The following MAGEA11 variants were observed in gnomAD, a reference collection of about 807,000 sequenced individuals.
The protein encoded by MAGEA11 is melanoma-associated antigen 11.
Under a neutral mutation model 8.4 loss-of-function variants are expected in MAGEA11, and 1 was observed. That is an observed-to-expected ratio of 0.12 (90% CI 0.04 to 0.57). The LOEUF is 0.57. MAGEA11 is among the 20% of genes least tolerant of loss of function. The pLI is 0.91. For missense variants in MAGEA11, 209 were observed against 317.3 expected (o/e 0.66, Z 2.59); for synonymous variants, 127 against 119.3 (o/e 1.06, Z -0.42).
Position 149,712,718 on chromosome X carries a change from C to T in MAGEA11, c.-17-425C>T, listed in dbSNP as rs782038450. 5.4e-5 allele frequency among the ~76,000 whole-genome samples: 6 copies of T among 112,093 alleles called. No homozygotes were observed. The East Asian group carries it at 1.7e-3, about 32-fold the overall frequency. The stretch of plus-strand genomic sequence containing the variant: ...TGGGGATGGACTTCTCAGGCTGGGC[C>T]GTCCCCTCTGACACCCCCCTCGGCT... On this transcript the variant is annotated intron_variant, in intron 1 of 4. Coordinates refer to ENST00000355220, the MANE Select transcript of MAGEA11 (RefSeq NM_005366.5).
chrX:149,715,634 A>G lies in MAGEA11; in HGVS notation c.223A>G (p.Arg75Gly). 2 of 1,209,036 alleles carry G rather than the reference A, an allele frequency of 1.7e-6. No homozygotes were observed. Among genetic ancestry groups the G allele is most frequent in the Non-Finnish European group, 2.2e-6 (2 of 893,350 alleles). Residue 75 changes from arginine to glycine, a missense_variant, in exon 4 of 5, where the codon AGG becomes GGG. Transcript: ENST00000355220. ...VFREQANLED[R>G]SPRRTQRITG... Reference sequence around the variant, plus strand: ...TAGAGAACAGGCCAACCTGGAGGACAGGAGTCCCAGGAGAACCCAGAGGAT... The same window carrying G: ...TAGAGAACAGGCCAACCTGGAGGACGGGAGTCCCAGGAGAACCCAGAGGAT...
At chrX:149,705,966 G>C (rs2090375471) in intron 1 of MAGEA11, among the ~76,000 whole-genome samples, 1 of 112,029 alleles carries the variant, frequency 8.9e-6, no homozygotes, top group Admixed American at 9.4e-5. Flanking sequence ...CTCCAACAAA[G>C]GGCACTAAGT....
At chrX:149,704,485 C>T (rs782399102) in intron 1 of MAGEA11, among the ~76,000 whole-genome samples, 7 of 112,258 alleles carry the variant, frequency 6.2e-5, no homozygotes, top group Admixed American at 2.8e-4. Flanking sequence ...CAAAGAAGTA[C>T]GTAACACAGC....
upstream of MAGEA11, among the ~76,000 whole-genome samples, chrX:149,711,227 A>G (rs2090398826): frequency 2.7e-5 from 3 of 112,617 alleles, no homozygotes; most frequent in South Asian, 1.1e-3. Context: ...TGACCATTAG[A>G]GTGAAATAGG....
chrX:149,688,698 A>G (rs1230817252), upstream of MAGEA11: 1 of 210,123 alleles, frequency 4.8e-6, no homozygotes, highest in Non-Finnish European at 8.8e-6. Context: ...ATACATATAC[A>G]TATACATATA....
intron 2 of MAGEA11, 80 bp downstream of exon 2, chrX:149,713,335 C>A: frequency 1.6e-5 from 10 of 644,024 alleles, no homozygotes; most frequent in Non-Finnish European, 2.4e-5. Context: ...TTTGGGGTGT[C>A]AGCAAGGAGT....
chrX:149,691,592 G>A (rs1395150634), intron 1 of MAGEA11, among the ~76,000 whole-genome samples: 1 of 111,489 alleles, frequency 9.0e-6, no homozygotes, highest in Non-Finnish European at 1.9e-5. Flanking sequence ...CTCATAACCT[G>A]GACAAAACGC....
At chrX:149,711,963 C>CCGCCT (rs1160382602), upstream of MAGEA11, 6 of 598,830 alleles carry the variant, frequency 1.0e-5, no homozygotes, top group Admixed American at 2.8e-4. Flanking sequence ...TCGCCCCGCC[C>CCGCCT]CGCCTCGCCT....
At chrX:149,708,724 T>C (rs1393169226), upstream of MAGEA11, among the ~76,000 whole-genome samples, 1 of 111,170 alleles carries the variant, frequency 9.0e-6, no homozygotes, top group African/African-American at 3.3e-5. Context: ...TCAGCTGCAC[T>C]GTACCATGAA....
upstream of MAGEA11, among the ~76,000 whole-genome samples, chrX:149,710,662 T>C (rs1351776323): frequency 9.1e-6 from 1 of 109,468 alleles, no homozygotes; most frequent in African/African-American, 3.3e-5. Context: ...TCTTTTTTTT[T>C]TGAGATGGGG....
upstream of MAGEA11, among the ~76,000 whole-genome samples, chrX:149,711,295 A>G (rs1557361873): frequency 8.9e-6 from 1 of 112,694 alleles, no homozygotes; most frequent in Non-Finnish European, 1.9e-5. Flanking sequence ...GAAAATCACT[A>G]AAATGAACTA....
intron 1 of MAGEA11, among the ~76,000 whole-genome samples, chrX:149,698,736 G>A (rs1557360763): frequency 1.8e-5 from 2 of 111,413 alleles, no homozygotes; most frequent in African/African-American, 6.5e-5. Context: ...ATTAAACTCA[G>A]CATGCATTAG....
chrX:149,702,567 C>T (rs1223538825), intron 1 of MAGEA11, among the ~76,000 whole-genome samples: 2 of 110,900 alleles, frequency 1.8e-5, no homozygotes, highest in Non-Finnish European at 3.8e-5. Context: ...TAGATGTATA[C>T]ATCTATATAA....
upstream of MAGEA11, among the ~76,000 whole-genome samples, chrX:149,707,735 ACT>A (rs1184095961): frequency 5.4e-5 from 6 of 111,490 alleles, no homozygotes; most frequent in East Asian, 1.7e-3. Flanking sequence ...AACTTGTAAG[ACT>A]CTCCAGAACA....
At chrX:149,704,181 G>C (rs1247081446) in intron 1 of MAGEA11, among the ~76,000 whole-genome samples, 1 of 111,988 alleles carries the variant, frequency 8.9e-6, no homozygotes, top group Non-Finnish European at 1.9e-5. Flanking sequence ...CCTCTCTCCT[G>C]TTCTATCCAT....
intron 1 of MAGEA11, among the ~76,000 whole-genome samples, chrX:149,698,023 T>G (rs1455353836): frequency 8.9e-6 from 1 of 112,679 alleles, no homozygotes; most frequent in Non-Finnish European, 1.9e-5. Context: ...TATTAATCAA[T>G]TAAACCTCTT....
intron 1 of MAGEA11, among the ~76,000 whole-genome samples, chrX:149,690,691 A>G (rs1257393154): frequency 8.9e-6 from 1 of 112,449 alleles, no homozygotes; most frequent in Non-Finnish European, 1.9e-5. Context: ...ATTACATAAT[A>G]AGGAAAATAT....
At chrX:149,706,091 T>G (rs2090376017) in intron 1 of MAGEA11, among the ~76,000 whole-genome samples, 1 of 112,024 alleles carries the variant, frequency 8.9e-6, no homozygotes, top group African/African-American at 3.2e-5. Context: ...CCATTTTACT[T>G]CTACATTCCT....
intron 3 of MAGEA11, among the ~76,000 whole-genome samples, chrX:149,715,126 T>C (rs144455811): frequency 9.2e-4 from 103 of 111,684 alleles, no homozygotes; most frequent in African/African-American, 3.3e-3. Context: ...TATCCCCACA[T>C]GTCCTCTTTC....
Sources: allele counts gnomAD v4.1 joint callset (sites outside exome capture counted in the v4.1 genomes callset), GRCh38; gene constraint gnomAD v4.1.1; transcripts MANE v1.5; gene names NCBI Gene and HGNC (gene_info 2026-07-23, HGNC 2026-07-21).